SNAPC5: variants seen among roughly 807,000 people sequenced by gnomAD.
SNAPC5 encodes the protein snRNA-activating protein complex subunit 5.
SNAPC5 carries 12 observed loss-of-function variants against 9.1 expected under a neutral mutation model. The observed-to-expected ratio is 1.32, with a 90% CI of 0.85 to 2.15. The LOEUF is 2.15. Ranked by LOEUF, SNAPC5 falls within the 30% of genes most tolerant of loss-of-function variation. SNAPC5 has a pLI of 0.00. For synonymous variants in SNAPC5, 52 were observed against 47.3 expected (o/e 1.10, Z -0.41); for missense variants, 132 against 114.4 (o/e 1.15, Z -0.70).
At chr15:66,496,524 CTTTTTT>C (rs67040573) in intron 1 of SNAPC5, among the ~76,000 whole-genome samples, 1 of 141,218 alleles carries the variant, frequency 7.1e-6, no homozygotes, top group African/African-American at 2.6e-5. Flanking sequence ...CTCCCTGGGA[CTTTTTT>C]TTTTTTTTTT....
At chr15:66,492,041 C>T, downstream of SNAPC5, 1 of 456,616 alleles carries the variant, frequency 2.2e-6, no homozygotes, top group Non-Finnish European at 4.4e-6. Flanking sequence ...GACAGTCTGT[C>T]TCCTTTGCGA....
downstream of SNAPC5, chr15:66,491,584 A>G (rs1346333995): frequency 1.1e-5 from 2 of 182,374 alleles, no homozygotes; most frequent in Non-Finnish European, 2.3e-5. Flanking sequence ...TCTTTAGTAC[A>G]CAAGAAATAC....
intron 1 of SNAPC5, chr15:66,496,991 A>C (rs1394726224): frequency 6.5e-6 from 1 of 154,818 alleles, no homozygotes; most frequent in Non-Finnish European, 1.5e-5. Flanking sequence ...GCCCTGTCTC[A>C]ATTTTTTGTA....
chr15:66,497,540 G>A (rs1045304040), intron 1 of SNAPC5, 102 bp downstream of exon 1: 2 of 994,216 alleles, frequency 2.0e-6, no homozygotes, highest in Non-Finnish European at 3.3e-6. Context: ...AGTGAGTAGC[G>A]GAGAACTGGC....
chr15:66,492,744 T>A (rs964873167), downstream of SNAPC5, among the ~76,000 whole-genome samples: 7 of 152,088 alleles, frequency 4.6e-5, no homozygotes, highest in Non-Finnish European at 7.4e-5. Context: ...AATCTTGCAG[T>A]GTTTTGAGCT....
intron 1 of SNAPC5, 31 bp downstream of exon 1, chr15:66,497,611 G>C (rs1017493455): frequency 6.3e-7 from 1 of 1,598,004 alleles, no homozygotes; most frequent in Non-Finnish European, 8.6e-7. Context: ...GGGAGGAATG[G>C]AGGAGGGGCA....
At chr15:66,489,965 G>C (rs1378224866), downstream of SNAPC5, 1 of 645,356 alleles carries the variant, frequency 1.5e-6, no homozygotes, top group East Asian at 2.7e-5. Flanking sequence ...CCCGCAGCCT[G>C]AGTAAGCATA....
At position 66,494,225 on chromosome 15, in the gene SNAPC5, A is replaced by G; in HGVS notation, c.*211T>C. The G allele has an allele frequency of 1.7e-6, 1 of 598,300 alleles. No individual in the cohort carries two copies. The highest frequency in any genetic ancestry group is 3.0e-6 in the Non-Finnish European group (1 of 330,484). 37.1% of individuals were successfully genotyped at this position (598,300 alleles called of 1,614,324 possible). A position where few individuals can be genotyped will look rare whatever the true frequency, so the allele number is the denominator to read the frequency against. On this transcript the variant is annotated 3_prime_UTR_variant, in exon 3 of 3. Coordinates refer to ENST00000316634, the MANE Select transcript of SNAPC5 (RefSeq NM_001329615.2). Reference sequence around the variant, plus strand: ...ACCACCCATATTACTCAATGCTAAGACACAGCATCTTTGATTTTCTGTATG... The same window carrying G: ...ACCACCCATATTACTCAATGCTAAGGCACAGCATCTTTGATTTTCTGTATG...
downstream of SNAPC5, chr15:66,493,426 G>A (rs1355270432): frequency 3.3e-5 from 5 of 152,086 alleles, no homozygotes; most frequent in East Asian, 3.8e-4. Context: ...AGGTCGAGGC[G>A]GGAGGAAAAC....
chr15:66,494,896 GACTT>G (rs1160366895), intron 2 of SNAPC5: 2 of 309,078 alleles, frequency 6.5e-6, no homozygotes, highest in Admixed American at 4.6e-5. Flanking sequence ...AGATTTTGCT[GACTT>G]ACTTGAGGGC....
At chr15:66,490,271 G>A (rs1042844669), downstream of SNAPC5, 4 of 665,950 alleles carry the variant, frequency 6.0e-6, no homozygotes, top group African/African-American at 7.2e-5. Flanking sequence ...TCTCCATACT[G>A]CACGAGTAGG....
At chr15:66,490,571 G>A (rs750934083), downstream of SNAPC5, 7 of 1,613,998 alleles carry the variant, frequency 4.3e-6, no homozygotes, top group South Asian at 4.4e-5. Context: ...CTCCACCATC[G>A]GCCTTAACCA....
chr15:66,493,379 G>A (rs1198622141), downstream of SNAPC5: 1 of 152,178 alleles, frequency 6.6e-6, no homozygotes, highest in Non-Finnish European at 1.5e-5. Flanking sequence ...TTCCGGCCTG[G>A]TGTAGTGGCT....
chr15:66,497,701 C>T lies in SNAPC5; in HGVS notation c.31G>A (p.Glu11Lys), dbSNP rs1213938785. Residue 11 changes from glutamate (E) to lysine (K), a missense_variant, in exon 1 of 3, where the codon GAG (glutamate) becomes AAG (lysine). Coordinates refer to ENST00000316634, the MANE Select transcript of SNAPC5 (RefSeq NM_001329615.2). ...TTCAACCGCAGCAGCGTCTCCTCCT[C>T]CTTGCGCAGTTCCTGAAGCCGGCTC... is the stretch of plus-strand genomic sequence containing the variant. MLSRLQELRK[E>K]EETLLRLKAA... The T allele has an allele frequency of 1.2e-6, 2 of 1,613,734 alleles. No individual in the cohort carries two copies. Among genetic ancestry groups the T allele is most frequent in the Admixed American group, 1.7e-5 (1 of 60,022 alleles).
downstream of SNAPC5, chr15:66,491,772 C>G (rs945568020): frequency 2.8e-6 from 1 of 359,180 alleles, no homozygotes; most frequent in African/African-American, 2.2e-5. Flanking sequence ...TTCCAACCAC[C>G]TTCCTTGTGG....
chr15:66,492,340 G>C (rs1024675193), downstream of SNAPC5: 6 of 249,496 alleles, frequency 2.4e-5, no homozygotes, highest in African/African-American at 1.4e-4. Context: ...AATCTTCTAA[G>C]TAGGTAGTCC....
intron 1 of SNAPC5, among the ~76,000 whole-genome samples, chr15:66,495,857 C>G (rs1374384377): frequency 6.6e-6 from 1 of 152,192 alleles, no homozygotes; most frequent in Non-Finnish European, 1.5e-5. Context: ...AGGTGGTCAT[C>G]AATACACTCA....
rs146072575 is a variant in SNAPC5, at chr15:66,493,791, C to T, written c.*645G>A. 4.6e-5 allele frequency: 7 copies of T among 151,898 alleles called. No homozygotes were observed. Among genetic ancestry groups the T allele is most frequent in the East Asian group, 3.9e-4 (2 of 5,156 alleles). The allele number at this position is 151,898 out of a possible 1,614,324, so 9.4% of individuals were successfully genotyped here. ...AGAAGGAACTGCTGCTTCTCTCTGT[C>T]GCTATCTAGAAACCAGCAGGCTCCA... is the stretch of plus-strand genomic sequence containing the variant. On this transcript the variant is annotated 3_prime_UTR_variant, in exon 3 of 3. Coordinates refer to ENST00000316634, the MANE Select transcript of SNAPC5 (RefSeq NM_001329615.2).
intron 1 of SNAPC5, 47 bp downstream of exon 1, chr15:66,497,595 T>G: frequency 6.4e-7 from 1 of 1,556,100 alleles, no homozygotes. Context: ...GGGGAAATGG[T>G]CGCTCGGGAG....
Sources: gnomAD v4.1 joint callset for allele counts (sites outside exome capture counted in the v4.1 genomes callset) on GRCh38, gnomAD v4.1.1 for gene constraint, MANE v1.5 for transcripts, NCBI Gene and HGNC (gene_info 2026-07-23, HGNC 2026-07-21) for gene names.